CADPS2: variants seen among roughly 807,000 people sequenced by gnomAD.
CADPS2 encodes calcium-dependent secretion activator 2.
In CADPS2, 93 loss-of-function variants were observed where a neutral mutation model predicts 172.5. The ratio of observed to expected loss-of-function variants is 0.54; its 90% CI spans 0.46 to 0.64. The LOEUF (loss-of-function observed/expected upper bound fraction) is 0.64, where lower values mean the gene tolerates loss of function less well. Ranked by LOEUF, CADPS2 falls within the 30% of genes least tolerant of loss-of-function variation. The pLI, the probability that CADPS2 is intolerant of heterozygous loss-of-function variation, is 0.00. For missense variants in CADPS2, 1,420 were observed against 1,565.9 expected (o/e 0.91, Z 1.57); for synonymous variants, 546 against 555.2 (o/e 0.98, Z 0.23).
chr7:122,486,272 A>T (rs2057804714), intron 11 of CADPS2, among the ~76,000 whole-genome samples: 1 of 152,310 alleles, frequency 6.6e-6, no homozygotes, highest in South Asian at 2.1e-4. Flanking sequence ...TAAATTGAAA[A>T]CCTGGAAAGG....
chr7:122,405,318 C>T (rs747346851), intron 20 of CADPS2, among the ~76,000 whole-genome samples: 1 of 151,988 alleles, frequency 6.6e-6, no homozygotes, highest in Non-Finnish European at 1.5e-5. Flanking sequence ...GAAAGGAAGA[C>T]AGTCATTCCA....
Position 122,713,633 on chromosome 7 carries a change from GA to G in CADPS2, c.453+23321del, listed in dbSNP as rs752631327. 5.0e-3 allele frequency among the ~76,000 whole-genome samples: 724 copies of G among 145,208 alleles called. 6 individuals carry two copies. Among genetic ancestry groups the G allele is most frequent in the African/African-American group, 0.016 (653 of 39,654 alleles). ...TATTTTGACATAAAATATTGGTAAA[GA>G]AAAAAAAAAGTGATAAGTATCACTT... On this transcript the variant is annotated intron_variant, in intron 2 of 29. Coordinates refer to ENST00000449022, the MANE Select transcript of CADPS2 (RefSeq NM_017954.11).
rs185722809 is a variant in CADPS2 at position 122,705,239 on chromosome 7, T to C, written c.453+31716A>G. The stretch of plus-strand genomic sequence containing the variant: ...TCAGAATGAGGTCTAAGAGTCTTCC[T>C]GGAACCGCATGTGACTGGGAGACAG... On this transcript the variant is annotated intron_variant, in intron 2 of 29. Coordinates refer to ENST00000449022, the MANE Select transcript of CADPS2 (RefSeq NM_017954.11). Among the ~76,000 whole-genome samples the C allele has an allele frequency of 6.8e-3, 1,023 of 151,530 alleles. 7 individuals carry two copies. The highest frequency in any genetic ancestry group is 0.011 in the Non-Finnish European group (745 of 67,900).
chr7:122,774,636 C>T (rs932689365), intron 1 of CADPS2, among the ~76,000 whole-genome samples: 2 of 152,120 alleles, frequency 1.3e-5, no homozygotes, highest in Non-Finnish European at 2.9e-5. Context: ...AATTTCACAT[C>T]TGATATGCTC....
At chr7:122,440,696 A>G (rs1230711521) in intron 16 of CADPS2, among the ~76,000 whole-genome samples, 4 of 152,274 alleles carry the variant, frequency 2.6e-5, no homozygotes, top group African/African-American at 9.6e-5. Context: ...TCTAAAATTA[A>G]TTCAGCAGAA....
chr7:122,598,278 T>C (rs1349062530), intron 6 of CADPS2, among the ~76,000 whole-genome samples: 3 of 151,808 alleles, frequency 2.0e-5, no homozygotes, highest in East Asian at 1.9e-4. Flanking sequence ...ACATAAGAGT[T>C]GGGAAAAAAG....
chr7:122,433,898 C>A (rs1186596416), intron 17 of CADPS2, among the ~76,000 whole-genome samples: 1 of 152,184 alleles, frequency 6.6e-6, no homozygotes. Flanking sequence ...GGCAACTCTA[C>A]ACATGGCCTC....
intron 1 of CADPS2, among the ~76,000 whole-genome samples, chr7:122,832,773 T>C (rs748956339): frequency 3.3e-5 from 5 of 152,208 alleles, no homozygotes; most frequent in African/African-American, 9.6e-5. Flanking sequence ...CAGTACAATA[T>C]GGGAACTGCC....
At chr7:122,786,343 T>C (rs1794036141) in intron 1 of CADPS2, among the ~76,000 whole-genome samples, 2 of 152,140 alleles carry the variant, frequency 1.3e-5, no homozygotes, top group African/African-American at 4.8e-5. Context: ...GTCAAGACAC[T>C]GGGATAAAGG....
At chr7:122,737,115 AAAAAT>A in intron 1 of CADPS2, 47 bp from the exon 2 acceptor site, 1 of 907,982 alleles carries the variant, frequency 1.1e-6, no homozygotes, top group East Asian at 2.4e-5. Flanking sequence ...CAGTACATGA[AAAAAT>A]AATGACTATT....
At chr7:122,727,897 A>G (rs1415663127) in intron 2 of CADPS2, among the ~76,000 whole-genome samples, 1 of 151,924 alleles carries the variant, frequency 6.6e-6, no homozygotes, top group Non-Finnish European at 1.5e-5. Flanking sequence ...AGCAAATACA[A>G]TGTGATCTGC....
chr7:122,826,718 G>A (rs958217093), intron 1 of CADPS2, among the ~76,000 whole-genome samples: 1 of 151,954 alleles, frequency 6.6e-6, no homozygotes, highest in Middle Eastern at 3.2e-3. Flanking sequence ...GATGGGACAG[G>A]GGAAAAGATC....
chr7:122,469,516 AT>A (rs1164934768), intron 14 of CADPS2, among the ~76,000 whole-genome samples: 1 of 152,036 alleles, frequency 6.6e-6, no homozygotes, highest in Non-Finnish European at 1.5e-5. Context: ...GTACCCCCCC[AT>A]TTTCTAAGTG....
At chr7:122,524,042 C>A (rs1401318926) in intron 8 of CADPS2, among the ~76,000 whole-genome samples, 1 of 152,124 alleles carries the variant, frequency 6.6e-6, no homozygotes, top group Admixed American at 6.6e-5. Context: ...AGGCATCTAA[C>A]AATTAAAAGG....
chr7:122,393,883 G>A (rs1055683778), intron 20 of CADPS2, among the ~76,000 whole-genome samples: 7 of 152,042 alleles, frequency 4.6e-5, no homozygotes, highest in East Asian at 1.9e-4. Flanking sequence ...ATGACCACTC[G>A]CTGGAAATTC....
At chr7:122,351,825 G>A (rs1364497292) in intron 27 of CADPS2, among the ~76,000 whole-genome samples, 1 of 152,134 alleles carries the variant, frequency 6.6e-6, no homozygotes, top group Non-Finnish European at 1.5e-5. Flanking sequence ...ACAGTCACAT[G>A]AATGTTTCAC....
intron 3 of CADPS2, among the ~76,000 whole-genome samples, chr7:122,646,033 A>G: frequency 6.6e-6 from 1 of 151,968 alleles, no homozygotes; most frequent in Non-Finnish European, 1.5e-5. Context: ...GGAGTTTATC[A>G]TTAAGTAAAG....
chr7:122,766,090 G>C (rs1031985924), intron 1 of CADPS2, among the ~76,000 whole-genome samples: 2 of 152,118 alleles, frequency 1.3e-5, no homozygotes, highest in African/African-American at 4.8e-5. Context: ...TAGGGAAACG[G>C]AAGGGGGAGC....
chr7:122,395,249 A>G (rs2151513713), intron 20 of CADPS2, among the ~76,000 whole-genome samples: 1 of 152,344 alleles, frequency 6.6e-6, no homozygotes, highest in African/African-American at 2.4e-5. Context: ...CTACAGGCAC[A>G]TAAATTGGTG....
Sources: gnomAD v4.1 joint callset for allele counts (sites outside exome capture counted in the v4.1 genomes callset) on GRCh38, gnomAD v4.1.1 for gene constraint, MANE v1.5 for transcripts, NCBI Gene and HGNC (gene_info 2026-07-23, HGNC 2026-07-21) for gene names.